SBF2: variants seen among roughly 807,000 people sequenced by gnomAD.
SBF2 encodes myotubularin-related protein 13.
A neutral mutation model predicts 225.2 loss-of-function variants in SBF2; 112 were observed. That is an observed-to-expected ratio of 0.50 (90% CI 0.43 to 0.58). The LOEUF (loss-of-function observed/expected upper bound fraction) is 0.58. Ranked by LOEUF, SBF2 falls within the 20% of genes least tolerant of loss-of-function variation. SBF2 has a pLI of 0.00. For missense variants in SBF2, 1,996 were observed against 2,206.2 expected, an observed-to-expected ratio of 0.90 and a Z score of 1.91; for synonymous variants, 763 against 773.3, an observed-to-expected ratio of 0.99 and a Z score of 0.22.
rs878906389 is a variant in SBF2, at chr11:10,175,032, G to A, written c.141+18870C>T. 8.5e-3 allele frequency among the ~76,000 whole-genome samples: 1,288 copies of A among 151,844 alleles called. 9 individuals carry two copies. The highest frequency in any genetic ancestry group is 0.012 in the Non-Finnish European group (801 of 67,906). ...GGAAGCGCTAAACATGGAAAGGAACGACCGATACCAGCCGCTGCAAAATCA... is the reference window on the plus strand; with the variant it reads ...GGAAGCGCTAAACATGGAAAGGAACAACCGATACCAGCCGCTGCAAAATCA... On this transcript the variant is annotated intron_variant, in intron 2 of 39. Coordinates refer to ENST00000256190, the MANE Select transcript of SBF2 (RefSeq NM_030962.4).
intron 16 of SBF2, chr11:9,956,838 T>C (rs1866205690): frequency 6.6e-6 from 1 of 152,144 alleles, no homozygotes; most frequent in African/African-American, 2.4e-5. Flanking sequence ...AACAAAAGAA[T>C]GGAATATTTC....
intron 2 of SBF2, among the ~76,000 whole-genome samples, chr11:10,134,905 C>T: frequency 6.6e-6 from 1 of 152,248 alleles, no homozygotes; most frequent in East Asian, 1.9e-4. Flanking sequence ...CTTCTCACAG[C>T]TCCACTAGGC....
At chr11:10,193,581 T>C (rs1311232364) in intron 2 of SBF2, among the ~76,000 whole-genome samples, 1 of 152,038 alleles carries the variant, frequency 6.6e-6, no homozygotes, top group Non-Finnish European at 1.5e-5. Flanking sequence ...ATCAATCTCC[T>C]TACCTCGTAA....
chr11:9,946,107 G>T (rs182205193), intron 16 of SBF2, among the ~76,000 whole-genome samples: 1 of 152,196 alleles, frequency 6.6e-6, no homozygotes, highest in African/African-American at 2.4e-5. Context: ...AATATAAATC[G>T]TTCTACCAAA....
At chr11:10,287,426 CAT>C (rs1309871239) in intron 1 of SBF2, among the ~76,000 whole-genome samples, 1 of 152,046 alleles carries the variant, frequency 6.6e-6, no homozygotes, top group Non-Finnish European at 1.5e-5. Context: ...GAACTACAGA[CAT>C]GTGTCACCAC....
chr11:9,899,580 T>C (rs1861553822), intron 16 of SBF2, among the ~76,000 whole-genome samples: 1 of 150,936 alleles, frequency 6.6e-6, no homozygotes, highest in African/African-American at 2.4e-5. Flanking sequence ...CTCAACTAGA[T>C]GAACGGTGAG....
chr11:10,172,849 G>C (rs921821729), intron 2 of SBF2, among the ~76,000 whole-genome samples: 3 of 151,992 alleles, frequency 2.0e-5, no homozygotes, highest in African/African-American at 7.3e-5. Context: ...ATATTTTTTA[G>C]TAGAGACAGG....
chr11:10,267,198 G>A (rs2135527407), intron 1 of SBF2, among the ~76,000 whole-genome samples: 1 of 152,300 alleles, frequency 6.6e-6, no homozygotes, highest in East Asian at 1.9e-4. Context: ...ATATAGATGG[G>A]ATGGAGCTGA....
intron 16 of SBF2, among the ~76,000 whole-genome samples, chr11:9,939,451 T>C (rs1865119397): frequency 6.6e-6 from 1 of 152,168 alleles, no homozygotes; most frequent in Non-Finnish European, 1.5e-5. Context: ...GGACTACAAA[T>C]TGAAGTAACA....
intron 17 of SBF2, among the ~76,000 whole-genome samples, chr11:9,864,963 G>T (rs1459103436): frequency 6.6e-6 from 1 of 151,464 alleles, no homozygotes; most frequent in Admixed American, 6.6e-5. Context: ...AGGCTACAGT[G>T]CAGTTGGCAC....
In SBF2 at chr11:10,102,685, G is replaced by A. The variant is rs146938913; in HGVS notation, c.142-59704C>T. ...TGGGGGTATAAGCAAGTTGGCTAAG[G>A]TTTGAAGGGTATTATTTTTTTCTGC... On this transcript the variant is annotated intron_variant, in intron 2 of 39. Transcript: ENST00000256190. Among the ~76,000 whole-genome samples, 19 of 152,252 alleles carry A rather than the reference G, an allele frequency of 1.2e-4. 1 individual carries two copies. The highest frequency in any genetic ancestry group is 4.1e-4 in the African/African-American group (17 of 41,550).
rs538538830 is a variant in SBF2 at position 9,839,764 on chromosome 11, C to T, written c.3257-68G>A. On this transcript the variant is annotated intron_variant, in intron 25 of 39. Coordinates refer to ENST00000256190, the MANE Select transcript of SBF2 (RefSeq NM_030962.4). ...AGCAATTGAGGTCTTCAGGGTAGTA[C>T]CTGTGGGGAGCTCACTCTCATCTGA... 2.1e-6 allele frequency: 3 copies of T among 1,438,198 alleles called. No homozygotes were observed. The South Asian group carries it at 3.4e-5, about 16-fold the overall frequency. The allele number at this position is 1,438,198 out of a possible 1,614,324, so 89.1% of individuals were successfully genotyped here.
At chr11:10,109,565 T>C (rs1952736647) in intron 2 of SBF2, among the ~76,000 whole-genome samples, 1 of 152,320 alleles carries the variant, frequency 6.6e-6, no homozygotes, top group Admixed American at 6.5e-5. Flanking sequence ...AGGCACTCAG[T>C]GCACACAACA....
chr11:9,867,509 C>G (rs1858331193), intron 17 of SBF2, among the ~76,000 whole-genome samples: 1 of 152,078 alleles, frequency 6.6e-6, no homozygotes, highest in African/African-American at 2.4e-5. Context: ...AACAGTAGAT[C>G]TACCATACCA....
intron 6 of SBF2, among the ~76,000 whole-genome samples, chr11:10,014,813 T>G (rs1463929908): frequency 2.0e-5 from 3 of 152,066 alleles, no homozygotes; most frequent in East Asian, 3.8e-4. Context: ...CTTAGGGAAG[T>G]GTCATTCCCT....
At chr11:9,967,366 C>T (rs1177814227) in intron 14 of SBF2, among the ~76,000 whole-genome samples, 1 of 135,934 alleles carries the variant, frequency 7.4e-6, no homozygotes, top group African/African-American at 2.7e-5. Context: ...AGCGAGACTC[C>T]GTCTCAAAAA....
At chr11:9,896,684 G>T (rs1489775156) in intron 16 of SBF2, among the ~76,000 whole-genome samples, 1 of 151,862 alleles carries the variant, frequency 6.6e-6, no homozygotes, top group African/African-American at 2.4e-5. Context: ...AGCTACTTGG[G>T]AGGCTGAAGC....
At chr11:10,229,325 G>A (rs1282424716) in intron 1 of SBF2, among the ~76,000 whole-genome samples, 2 of 151,786 alleles carry the variant, frequency 1.3e-5, no homozygotes, top group Non-Finnish European at 2.9e-5. Context: ...CTTCAGTTCT[G>A]CTCTCTTAGT....
chr11:9,911,764 G>A (rs1170683474), intron 16 of SBF2, among the ~76,000 whole-genome samples: 4 of 152,046 alleles, frequency 2.6e-5, no homozygotes, highest in African/African-American at 9.7e-5. Context: ...CTGTATTTTT[G>A]CTTTACCATT....
Sources: gnomAD v4.1 joint callset for allele counts (sites outside exome capture counted in the v4.1 genomes callset) on GRCh38, gnomAD v4.1.1 for gene constraint, MANE v1.5 for transcripts, NCBI Gene and HGNC (gene_info 2026-07-23, HGNC 2026-07-21) for gene names.